The following GAS7 variants were observed in gnomAD, a reference collection of about 807,000 sequenced individuals.
GAS7 encodes growth arrest specific 7.
Under a neutral mutation model 71.1 loss-of-function variants are expected in GAS7, and 28 were observed. That is an observed-to-expected ratio of 0.39 (90% CI 0.29 to 0.54). The LOEUF (loss-of-function observed/expected upper bound fraction) is 0.54, where lower values mean the gene tolerates loss of function less well. Ranked by LOEUF, GAS7 falls within the 20% of genes least tolerant of loss-of-function variation. The pLI is 0.62. For missense variants in GAS7, 436 were observed against 627.8 expected, an observed-to-expected ratio of 0.69 and a Z score of 3.27; for synonymous variants, 258 against 245.8, an observed-to-expected ratio of 1.05 and a Z score of -0.46.
chr17:10,048,817 T>A (rs1478105496), intron 1 of GAS7, among the ~76,000 whole-genome samples: 1 of 152,188 alleles, frequency 6.6e-6, no homozygotes, highest in Non-Finnish European at 1.5e-5. Flanking sequence ...GGGGAAGTAA[T>A]AATACAAATA....
intron 1 of GAS7, among the ~76,000 whole-genome samples, chr17:10,189,394 G>C (rs940750426): frequency 6.6e-6 from 1 of 152,098 alleles, no homozygotes; most frequent in African/African-American, 2.4e-5. Context: ...GTCTAGAAGA[G>C]CTTTCCAGAA....
rs111309195 is a variant in GAS7, at chr17:9,926,378, G to T, written c.1014+263C>A. Among the ~76,000 whole-genome samples, 1,926 of 152,230 alleles carry T rather than the reference G, an allele frequency of 0.013. 51 individuals are homozygous for T. Among genetic ancestry groups the T allele is most frequent in the African/African-American group, 0.043 (1,807 of 41,552 alleles). On this transcript the variant is annotated intron_variant, in intron 10 of 13. Coordinates refer to ENST00000432992, the MANE Select transcript of GAS7 (RefSeq NM_201433.2). The surrounding 1 kb of genome is among the most constrained non-coding windows in gnomAD (Gnocchi z 5.0). Reference sequence around the variant, plus strand: ...TTTAACTGGTCGCCAACAGCCACTCGACTGCCCACTGCAGCTGCAGCCTCT... The same window carrying T: ...TTTAACTGGTCGCCAACAGCCACTCTACTGCCCACTGCAGCTGCAGCCTCT...
rs1254175807 is a variant in GAS7, at chr17:10,047,290, G to A, written c.184-27393C>T. Among the ~76,000 whole-genome samples, 5 of 152,154 alleles carry A rather than the reference G, an allele frequency of 3.3e-5. No homozygotes were observed. In the East Asian group the frequency reaches 5.8e-4, roughly 18 times the overall value. On this transcript the variant is annotated intron_variant, in intron 1 of 13. Coordinates refer to ENST00000432992, the MANE Select transcript of GAS7 (RefSeq NM_201433.2). ...GAGTTTTCATGTTCTCCATCAATTC[G>A]GAGTATCAGAGGACCAGATAGTAAC...
Position 10,166,720 on chromosome 17 carries a change from C to T in GAS7, c.183+31488G>A, listed in dbSNP as rs144386062. 8.3e-3 allele frequency among the ~76,000 whole-genome samples: 1,263 copies of T among 152,284 alleles called. 9 individuals are homozygous for T. The highest frequency in any genetic ancestry group is 0.012 in the Non-Finnish European group (841 of 68,030). ...CTAATTTTTTAAGTAAAAATTTTCC[C>T]TATTCTGCTTAGTCAGTGAAAATAC... On this transcript the variant is annotated intron_variant, in intron 1 of 13. Transcript: ENST00000432992.
At chr17:10,071,427 T>A (rs1448166442) in intron 1 of GAS7, among the ~76,000 whole-genome samples, 4 of 152,032 alleles carry the variant, frequency 2.6e-5, no homozygotes, top group African/African-American at 9.7e-5. Flanking sequence ...AAAGTACAAG[T>A]ATAGTCACCC....
At chr17:10,145,599 G>C (rs1457340822) in intron 1 of GAS7, among the ~76,000 whole-genome samples, 1 of 152,222 alleles carries the variant, frequency 6.6e-6, no homozygotes, top group Non-Finnish European at 1.5e-5. Flanking sequence ...GCAGCAGCCG[G>C]ATCTGTGCCC....
intron 1 of GAS7, among the ~76,000 whole-genome samples, chr17:10,152,923 C>T (rs2074177336): frequency 6.6e-6 from 1 of 150,990 alleles, no homozygotes; most frequent in African/African-American, 2.4e-5. Context: ...CCTGGCTGGG[C>T]ACAGTGGCTC....
At chr17:10,138,750 CAG>C (rs2074059441) in intron 1 of GAS7, among the ~76,000 whole-genome samples, 1 of 151,886 alleles carries the variant, frequency 6.6e-6, no homozygotes, top group South Asian at 2.1e-4. Flanking sequence ...CTGGGCGACA[CAG>C]AGAGACTCCG....
intron 1 of GAS7, 95 bp downstream of exon 1, chr17:10,198,113 C>A (rs1391177396): frequency 4.0e-6 from 5 of 1,254,448 alleles, no homozygotes; most frequent in Non-Finnish European, 5.6e-6. Context: ...CCCCTCCGAC[C>A]GGGACGCTGC....
intron 2 of GAS7, among the ~76,000 whole-genome samples, chr17:9,995,545 A>C (rs931204498): frequency 3.3e-5 from 4 of 119,950 alleles, no homozygotes; most frequent in East Asian, 2.2e-4. Context: ...AATAACAAAA[A>C]AAAAAAAAAA....
At chr17:10,185,495 T>G (rs2074445305) in intron 1 of GAS7, among the ~76,000 whole-genome samples, 1 of 152,198 alleles carries the variant, frequency 6.6e-6, no homozygotes. Flanking sequence ...TTCTTCAACT[T>G]GCAGAATGCA....
chr17:9,992,700 C>A (rs1460672717), intron 2 of GAS7, among the ~76,000 whole-genome samples: 1 of 151,444 alleles, frequency 6.6e-6, no homozygotes, highest in Non-Finnish European at 1.5e-5. Context: ...GTGCACTGCA[C>A]CCACCAACTC....
At position 10,034,979 on chromosome 17, in the gene GAS7, C is replaced by T. The variant is rs941928629; in HGVS notation, c.184-15082G>A. Among the ~76,000 whole-genome samples, 1 of 152,154 alleles carries T rather than the reference C, an allele frequency of 6.6e-6. No homozygotes were observed. Among genetic ancestry groups the T allele is most frequent in the African/African-American group, 2.4e-5 (1 of 41,420 alleles). On this transcript the variant is annotated intron_variant, in intron 1 of 13. Transcript: ENST00000432992. This position sits in a 1 kb window ranked among gnomAD's most constrained non-coding sequence, Gnocchi z 4.4. ...CGGGTTCCAGTGGAATTTTTCTGGGCCTGTTAGCAGTTAGCACTTCTGGCT... is the reference window on the plus strand; with the variant it reads ...CGGGTTCCAGTGGAATTTTTCTGGGTCTGTTAGCAGTTAGCACTTCTGGCT...
At chr17:9,991,359 G>A (rs1488422482) in intron 2 of GAS7, among the ~76,000 whole-genome samples, 1 of 152,136 alleles carries the variant, frequency 6.6e-6, no homozygotes, top group Admixed American at 6.5e-5. Context: ...CCCACTCACA[G>A]CTGCTTACAA....
At chr17:9,971,662 G>A (rs1262721500) in intron 3 of GAS7, among the ~76,000 whole-genome samples, 1 of 152,064 alleles carries the variant, frequency 6.6e-6, no homozygotes, top group Non-Finnish European at 1.5e-5. Context: ...GTGATCTCAG[G>A]AGACCAGGAC....
intron 1 of GAS7, among the ~76,000 whole-genome samples, chr17:10,133,487 T>C (rs937813869): frequency 3.3e-5 from 5 of 152,184 alleles, no homozygotes; most frequent in African/African-American, 1.2e-4. Context: ...ATATTTATGG[T>C]GTACATACAC....
chr17:9,995,872 T>C lies in GAS7; in HGVS notation c.305-13988A>G, dbSNP rs561713741. 2.2e-4 allele frequency among the ~76,000 whole-genome samples: 33 copies of C among 152,314 alleles called. No individual in the cohort carries two copies. In the East Asian group the frequency reaches 3.5e-3, roughly 16 times the overall value. On this transcript the variant is annotated intron_variant, in intron 2 of 13. Coordinates refer to ENST00000432992, the MANE Select transcript of GAS7 (RefSeq NM_201433.2). ...CTAAATGTTCACCAACAGGGGACAATGATGTATCGACAGGGTGGCATCCTG... is the reference window on the plus strand; with the variant it reads ...CTAAATGTTCACCAACAGGGGACAACGATGTATCGACAGGGTGGCATCCTG...
At chr17:9,918,227 A>G in intron 12 of GAS7, 128 bp from the exon 13 acceptor site, 2 of 643,184 alleles carry the variant, frequency 3.1e-6, no homozygotes, top group South Asian at 3.7e-5. Flanking sequence ...CTGGGGTCTG[A>G]TGAAGAGCGT....
chr17:10,086,596 T>C lies in GAS7; in HGVS notation c.184-66699A>G, dbSNP rs191277131. 2.2e-3 allele frequency among the ~76,000 whole-genome samples: 336 copies of C among 151,980 alleles called. 1 individual carries two copies. The highest frequency in any genetic ancestry group is 7.4e-3 in the African/African-American group (308 of 41,448). ...AAACATGGCATGAAAAGGGAAGAAA[T>C]TGGGGTTGTACAAGCTGTTAAAATC... On this transcript the variant is annotated intron_variant, in intron 1 of 13. Transcript: ENST00000432992.
Sources: allele counts gnomAD v4.1 joint callset (sites outside exome capture counted in the v4.1 genomes callset), GRCh38; gene constraint gnomAD v4.1.1; non-coding constraint Gnocchi (gnomAD v3.1); transcripts MANE v1.5; gene names NCBI Gene and HGNC (gene_info 2026-07-23, HGNC 2026-07-21).